Variants in GLCCI1 observed in about 807,000 individuals in gnomAD.
GLCCI1 encodes glucocorticoid induced 1.
GLCCI1 carries 24 observed loss-of-function variants against 52.2 expected under a neutral mutation model. The observed-to-expected ratio is 0.46, with a 90% CI of 0.33 to 0.65. The LOEUF (loss-of-function observed/expected upper bound fraction) is 0.65. GLCCI1 is among the 30% of genes least tolerant of loss of function. The pLI is 0.02. For synonymous variants in GLCCI1, 310 were observed against 276.5 expected, an observed-to-expected ratio of 1.12 and a Z score of -1.20; for missense variants, 704 against 701.5, an observed-to-expected ratio of 1.00 and a Z score of -0.04.
At chr7:7,991,713 C>T (rs563397830) in intron 1 of GLCCI1, among the ~76,000 whole-genome samples, 1 of 152,202 alleles carries the variant, frequency 6.6e-6, no homozygotes, top group South Asian at 2.1e-4. Flanking sequence ...ATCTTTTCTA[C>T]ATGGCTCTTC....
chr7:8,005,269 AAAG>A lies in GLCCI1; in HGVS notation c.609+1213_609+1215del, dbSNP rs1394602052. 8.5e-5 allele frequency among the ~76,000 whole-genome samples: 13 copies of A among 152,240 alleles called. No individual in the cohort carries two copies. In the East Asian group the frequency reaches 2.5e-3, roughly 29 times the overall value. The stretch of plus-strand genomic sequence containing the variant: ...AAATAAAATTTAAAAATAATTTTAA[AAAG>A]AAAAAAATTTAAAAAAATGTACTTA... On this transcript the variant is annotated intron_variant, in intron 2 of 7. Coordinates refer to ENST00000223145, the MANE Select transcript of GLCCI1 (RefSeq NM_138426.4).
At chr7:8,026,776 C>G (rs924420353) in intron 3 of GLCCI1, among the ~76,000 whole-genome samples, 3 of 152,218 alleles carry the variant, frequency 2.0e-5, no homozygotes, top group Admixed American at 6.5e-5. Flanking sequence ...GCAGTCAGAA[C>G]TTTTTATTGG....
intron 3 of GLCCI1, among the ~76,000 whole-genome samples, chr7:8,025,474 G>A (rs1278304104): frequency 2.0e-5 from 3 of 152,106 alleles, no homozygotes; most frequent in Non-Finnish European, 4.4e-5. Context: ...ACAGATTTGC[G>A]ATGGCAGAAG....
intron 4 of GLCCI1, chr7:8,055,800 T>C (rs1782378998): frequency 3.8e-6 from 1 of 260,950 alleles, no homozygotes; most frequent in Non-Finnish European, 7.5e-6. Context: ...CCATCCTGGC[T>C]AACAGGGTGA....
At chr7:7,985,944 T>A (rs879271814) in intron 1 of GLCCI1, among the ~76,000 whole-genome samples, 5 of 152,204 alleles carry the variant, frequency 3.3e-5, no homozygotes, top group Non-Finnish European at 7.3e-5. Context: ...GCATTTCTAT[T>A]GGCTGGAAAT....
intron 5 of GLCCI1, among the ~76,000 whole-genome samples, chr7:8,068,305 G>C (rs1782678385): frequency 6.6e-6 from 1 of 152,126 alleles, no homozygotes; most frequent in Non-Finnish European, 1.5e-5. Flanking sequence ...AGCCGAGATT[G>C]TGCCATTGCA....
intron 2 of GLCCI1, among the ~76,000 whole-genome samples, chr7:8,012,977 C>T (rs1391050703): frequency 6.6e-6 from 1 of 152,158 alleles, no homozygotes; most frequent in Non-Finnish European, 1.5e-5. Flanking sequence ...CAACTTCGTT[C>T]TTTTGGATGT....
chr7:8,042,632 C>T (rs573306133), intron 3 of GLCCI1, among the ~76,000 whole-genome samples: 4 of 152,188 alleles, frequency 2.6e-5, no homozygotes, highest in African/African-American at 7.2e-5. Context: ...GACCCTGTCT[C>T]TTTGAAAAAT....
At chr7:8,052,016 C>T (rs1032952667) in intron 3 of GLCCI1, among the ~76,000 whole-genome samples, 3 of 152,144 alleles carry the variant, frequency 2.0e-5, no homozygotes, top group African/African-American at 4.8e-5. Flanking sequence ...CTTTAGTCAC[C>T]TTGTCCTGGG....
At chr7:8,018,048 C>G (rs1352899422) in intron 2 of GLCCI1, among the ~76,000 whole-genome samples, 1 of 152,042 alleles carries the variant, frequency 6.6e-6, no homozygotes, top group Non-Finnish European at 1.5e-5. Context: ...TAAGATTAGT[C>G]TGTGGTCATA....
intron 1 of GLCCI1, among the ~76,000 whole-genome samples, chr7:7,998,218 G>GTTTTT (rs1780980310): frequency 7.0e-6 from 1 of 143,022 alleles, no homozygotes. Flanking sequence ...GTTTTGTTTC[G>GTTTTT]TTTTGTTTTG....
intron 2 of GLCCI1, among the ~76,000 whole-genome samples, chr7:8,020,044 A>G (rs1379771104): frequency 2.6e-5 from 4 of 152,218 alleles, no homozygotes; most frequent in Non-Finnish European, 5.9e-5. Flanking sequence ...TTTTTACTTC[A>G]TAAACTTAAT....
intron 6 of GLCCI1, among the ~76,000 whole-genome samples, chr7:8,073,622 T>C (rs1222416768): frequency 6.6e-6 from 1 of 152,200 alleles, no homozygotes; most frequent in African/African-American, 2.4e-5. Flanking sequence ...ACCTTCCTCA[T>C]ATCATTGAGG....
chr7:7,995,693 T>C (rs982660570), intron 1 of GLCCI1, among the ~76,000 whole-genome samples: 2 of 152,070 alleles, frequency 1.3e-5, no homozygotes, highest in Non-Finnish European at 2.9e-5. Flanking sequence ...TAGGTGGGAA[T>C]TGAACAGTGA....
In GLCCI1 at chr7:8,057,272, T is replaced by C. The variant is rs562786700; in HGVS notation, c.813+1723T>C. Among the ~76,000 whole-genome samples, 39 of 151,400 alleles carry C rather than the reference T, an allele frequency of 2.6e-4. 2 individuals carry two copies. The South Asian group carries it at 7.5e-3, about 29-fold the overall frequency. ...TGAATCTTCTCAGAGGCGTTATTCATAATACTAAAAAAAAAAAGGAAATAG... is the reference window on the plus strand; with the variant it reads ...TGAATCTTCTCAGAGGCGTTATTCACAATACTAAAAAAAAAAAGGAAATAG... On this transcript the variant is annotated intron_variant, in intron 4 of 7. Coordinates refer to ENST00000223145, the MANE Select transcript of GLCCI1 (RefSeq NM_138426.4).
rs189077551 is a variant in GLCCI1, at chr7:8,001,178, A to G, written c.458-2730A>G. On this transcript the variant is annotated intron_variant, in intron 1 of 7. Coordinates refer to ENST00000223145, the MANE Select transcript of GLCCI1 (RefSeq NM_138426.4). ...GCATATTTTTGCAGTGGCTGGTACC[A>G]GTTGTTCCTTTCCATGTTTAATGCT... 1.5e-3 allele frequency among the ~76,000 whole-genome samples: 234 copies of G among 152,252 alleles called. No individual in the cohort carries two copies. The East Asian group carries it at 0.037, about 24-fold the overall frequency.
intron 5 of GLCCI1, among the ~76,000 whole-genome samples, chr7:8,062,791 G>T (rs1330784312): frequency 6.6e-6 from 1 of 152,146 alleles, no homozygotes; most frequent in Non-Finnish European, 1.5e-5. Context: ...TGCTGCAAAG[G>T]ACATGGTCTT....
At chr7:7,997,092 A>G (rs1257041210) in intron 1 of GLCCI1, among the ~76,000 whole-genome samples, 2 of 152,218 alleles carry the variant, frequency 1.3e-5, no homozygotes, top group African/African-American at 4.8e-5. Context: ...TAACTTAGGA[A>G]AACTAAATCT....
chr7:8,045,959 A>G (rs148533122), intron 3 of GLCCI1, among the ~76,000 whole-genome samples: 1,124 of 108,992 alleles, frequency 0.01, 40 homozygotes, highest in East Asian at 0.097. Flanking sequence ...AAGAACCACA[A>G]TTCCAAAAAA....
Sources: allele counts gnomAD v4.1 joint callset (sites outside exome capture counted in the v4.1 genomes callset), GRCh38; gene constraint gnomAD v4.1.1; transcripts MANE v1.5; gene names NCBI Gene and HGNC (gene_info 2026-07-23, HGNC 2026-07-21).